The following NOL10 variants were observed in gnomAD, a reference collection of about 807,000 sequenced individuals.
The protein encoded by NOL10 is H_NH0074G24.1.
A neutral mutation model predicts 103.5 loss-of-function variants in NOL10; 58 were observed. The ratio of observed to expected loss-of-function variants is 0.56; its 90% CI spans 0.45 to 0.70. The LOEUF (loss-of-function observed/expected upper bound fraction) is 0.70. Among genes scored for constraint, NOL10 ranks in the 30% least tolerant of loss-of-function variants. The probability of loss-of-function intolerance (pLI) is 0.00; values close to 1 mark genes in which losing one functional copy is unlikely to be tolerated. For missense variants in NOL10, 763 were observed against 807.3 expected (o/e 0.95, Z 0.67); for synonymous variants, 287 against 282.5 (o/e 1.02, Z -0.16).
intron 6 of NOL10, 142 bp downstream of exon 6, chr2:10,671,412 T>C (rs1246013570): frequency 1.2e-5 from 6 of 499,986 alleles, no homozygotes; most frequent in Middle Eastern, 6.7e-4. Context: ...TTCTTTTCTT[T>C]TTTTTTTTTT....
intron 3 of NOL10, among the ~76,000 whole-genome samples, chr2:10,681,686 T>C (rs932654742): frequency 2.6e-5 from 4 of 152,218 alleles, no homozygotes; most frequent in African/African-American, 9.6e-5. Flanking sequence ...GGGTGAAGTA[T>C]ACTGGTATCT....
chr2:10,592,020 AAACAAACC>A (rs1227817001), intron 17 of NOL10, among the ~76,000 whole-genome samples: 15 of 147,478 alleles, frequency 1.0e-4, no homozygotes, highest in Admixed American at 4.0e-4. Flanking sequence ...ACAAACAAAC[AAACAAACC>A]AACCCAAAAT....
chr2:10,660,920 A>C (rs999961546), intron 9 of NOL10, among the ~76,000 whole-genome samples: 2 of 150,856 alleles, frequency 1.3e-5, no homozygotes, highest in Non-Finnish European at 3.0e-5. Flanking sequence ...GAAAACAAAC[A>C]AAAAAAAAGC....
chr2:10,637,536 C>T (rs1678345669), intron 13 of NOL10, among the ~76,000 whole-genome samples: 3 of 152,176 alleles, frequency 2.0e-5, no homozygotes, highest in South Asian at 2.1e-4. Context: ...CCTGTGATGG[C>T]GTCAGAAGGC....
chr2:10,603,046 C>G (rs1245569586), intron 15 of NOL10, 32 bp downstream of exon 15: 3 of 1,540,954 alleles, frequency 1.9e-6, no homozygotes, highest in Non-Finnish European at 2.7e-6. Flanking sequence ...CATTAGTTAC[C>G]TGAAACATAA....
intron 20 of NOL10, among the ~76,000 whole-genome samples, chr2:10,575,779 GTGCTGCTCC>G (rs1674422156): frequency 6.6e-6 from 1 of 152,170 alleles, no homozygotes; most frequent in Non-Finnish European, 1.5e-5. Context: ...CTTCCAGGCT[GTGCTGCTCC>G]TGCCCCATTT....
intron 2 of NOL10, among the ~76,000 whole-genome samples, chr2:10,684,264 G>A (rs1309877581): frequency 3.0e-5 from 4 of 133,580 alleles, no homozygotes; most frequent in Non-Finnish European, 4.8e-5. Flanking sequence ...CAATAAGAGT[G>A]AAACTCCATC....
chr2:10,678,487 GA>G (rs1007585824), intron 3 of NOL10, among the ~76,000 whole-genome samples: 6 of 149,606 alleles, frequency 4.0e-5, no homozygotes, highest in Non-Finnish European at 5.9e-5. Context: ...CCAAGTAACA[GA>G]AAAAATTAAC....
intron 13 of NOL10, among the ~76,000 whole-genome samples, chr2:10,617,903 T>C (rs4669599): frequency 0.59 from 90,015 of 151,974 alleles, 27,658 homozygotes; most frequent in African/African-American, 0.74. Flanking sequence ...AGACAGAAAG[T>C]AGGTGAGTGG....
At chr2:10,663,315 C>T (rs969645341) in intron 8 of NOL10, among the ~76,000 whole-genome samples, 9 of 147,282 alleles carry the variant, frequency 6.1e-5, no homozygotes, top group African/African-American at 1.8e-4. Flanking sequence ...TGCAGTGAGC[C>T]GAGATTATGC....
At chr2:10,666,919 T>C (rs1332452797) in intron 8 of NOL10, among the ~76,000 whole-genome samples, 1 of 152,206 alleles carries the variant, frequency 6.6e-6, no homozygotes, top group African/African-American at 2.4e-5. Flanking sequence ...AATTACATGC[T>C]TCTGACATAT....
At chr2:10,675,997 A>C (rs1035792459) in intron 3 of NOL10, 126 bp from the exon 4 acceptor site, 2 of 480,274 alleles carry the variant, frequency 4.2e-6, no homozygotes, top group African/African-American at 4.0e-5. Flanking sequence ...AAAAGAAAGG[A>C]ATGTAAAAGC....
At chr2:10,618,803 A>T (rs1676975653) in intron 13 of NOL10, among the ~76,000 whole-genome samples, 1 of 152,190 alleles carries the variant, frequency 6.6e-6, no homozygotes, top group Non-Finnish European at 1.5e-5. Flanking sequence ...TTTCAAAGGG[A>T]GGTGACAGGA....
At chr2:10,610,310 C>A (rs1356610844) in intron 13 of NOL10, among the ~76,000 whole-genome samples, 1 of 152,202 alleles carries the variant, frequency 6.6e-6, no homozygotes, top group Non-Finnish European at 1.5e-5. Flanking sequence ...TTGACTTTCA[C>A]ATAGCCCTCT....
intron 13 of NOL10, among the ~76,000 whole-genome samples, chr2:10,618,034 GTTTTT>G (rs36205939): frequency 6.9e-6 from 1 of 145,928 alleles, no homozygotes; most frequent in African/African-American, 2.5e-5. Flanking sequence ...TACACTTCAT[GTTTTT>G]TTTTTTTTTT....
At chr2:10,678,192 G>A (rs1681463455) in intron 3 of NOL10, among the ~76,000 whole-genome samples, 1 of 151,074 alleles carries the variant, frequency 6.6e-6, no homozygotes, top group African/African-American at 2.4e-5. Context: ...GACACTACAG[G>A]TGCACACCAC....
intron 17 of NOL10, among the ~76,000 whole-genome samples, chr2:10,598,553 A>C (rs572785399): frequency 2.0e-5 from 3 of 152,314 alleles, no homozygotes; most frequent in Middle Eastern, 3.4e-3. Flanking sequence ...AAATGAGGAA[A>C]ACAGCTGTGA....
intron 13 of NOL10, among the ~76,000 whole-genome samples, chr2:10,627,201 T>A (rs372220858): frequency 2.5e-4 from 38 of 152,330 alleles, no homozygotes; most frequent in African/African-American, 8.9e-4. Flanking sequence ...TTCATAGTTA[T>A]GAATATATAA....
intron 4 of NOL10, 90 bp from the exon 5 acceptor site, chr2:10,673,647 G>T: frequency 1.2e-6 from 1 of 844,224 alleles, no homozygotes; most frequent in South Asian, 1.8e-5. Flanking sequence ...ATTCAACACA[G>T]AAATTATATA....
Sources: allele counts gnomAD v4.1 joint callset (sites outside exome capture counted in the v4.1 genomes callset), GRCh38; gene constraint gnomAD v4.1.1; transcripts MANE v1.5; gene names NCBI Gene and HGNC (gene_info 2026-07-23, HGNC 2026-07-21).